The following MORC1 variants were observed in gnomAD, a reference collection of about 807,000 sequenced individuals.
The protein encoded by MORC1 is MORC family CW-type zinc finger protein 1.
A neutral mutation model predicts 134.9 loss-of-function variants in MORC1; 59 were observed. The observed-to-expected ratio is 0.44, with a 90% CI of 0.35 to 0.54. The LOEUF (loss-of-function observed/expected upper bound fraction) is 0.54. Ranked by LOEUF, MORC1 falls within the 20% of genes least tolerant of loss-of-function variation. The probability of loss-of-function intolerance (pLI) is 0.00; values close to 1 mark genes in which losing one functional copy is unlikely to be tolerated. For synonymous variants in MORC1, 395 were observed against 391.7 expected (o/e 1.01, Z -0.10); for missense variants, 947 against 1,134.5 (o/e 0.83, Z 2.37).
chr3:109,005,564 T>C (rs2107534303), intron 18 of MORC1, among the ~76,000 whole-genome samples: 1 of 152,276 alleles, frequency 6.6e-6, no homozygotes, highest in African/African-American at 2.4e-5. Flanking sequence ...AGCCCAGCAA[T>C]TGAGAACATA....
chr3:109,071,953 C>G (rs1016019818), intron 8 of MORC1, among the ~76,000 whole-genome samples: 1 of 152,180 alleles, frequency 6.6e-6, no homozygotes, highest in Admixed American at 6.5e-5. Flanking sequence ...ATTTTGCAAG[C>G]AAGCCTTTCT....
chr3:109,019,080 A>T (rs1030526303), intron 17 of MORC1: 1 of 152,182 alleles, frequency 6.6e-6, no homozygotes, highest in African/African-American at 2.4e-5. Context: ...CTTCTCTAGA[A>T]ATGACCTATA....
chr3:109,092,307 A>T (rs575364956), intron 8 of MORC1, among the ~76,000 whole-genome samples: 3 of 152,238 alleles, frequency 2.0e-5, no homozygotes, highest in Non-Finnish European at 4.4e-5. Context: ...GAAAAAACAT[A>T]CAACAGCAAT....
chr3:109,010,391 C>G (rs1948655608), intron 17 of MORC1, among the ~76,000 whole-genome samples: 1 of 152,004 alleles, frequency 6.6e-6, no homozygotes, highest in South Asian at 2.1e-4. Context: ...CTTCATAAAT[C>G]CTTATATTTG....
At chr3:109,012,808 A>G (rs1000020163) in intron 17 of MORC1, among the ~76,000 whole-genome samples, 1 of 152,196 alleles carries the variant, frequency 6.6e-6, no homozygotes, top group Non-Finnish European at 1.5e-5. Flanking sequence ...CTTTCTGTAA[A>G]TATTATCTGT....
intron 12 of MORC1, 150 bp downstream of exon 12, chr3:109,059,656 G>A (rs952281863): frequency 3.3e-5 from 18 of 552,670 alleles, no homozygotes; most frequent in African/African-American, 2.3e-4. Flanking sequence ...CTTGGTTGTG[G>A]GAACTTGACT....
At chr3:109,011,547 G>GT (rs1948685601) in intron 17 of MORC1, among the ~76,000 whole-genome samples, 1 of 149,076 alleles carries the variant, frequency 6.7e-6, no homozygotes. Flanking sequence ...TTGAGATGGA[G>GT]TTTCGCTCTT....
At chr3:109,017,602 A>AT (rs1362478587) in intron 17 of MORC1, among the ~76,000 whole-genome samples, 3 of 152,168 alleles carry the variant, frequency 2.0e-5, no homozygotes, top group East Asian at 1.9e-4. Flanking sequence ...TTAAAAATAC[A>AT]TTTTTTTAAA....
At chr3:108,974,578 G>A (rs1378463264) in intron 24 of MORC1, among the ~76,000 whole-genome samples, 1 of 152,146 alleles carries the variant, frequency 6.6e-6, no homozygotes, top group Non-Finnish European at 1.5e-5. Flanking sequence ...AATAAACCTG[G>A]ATTCATTCAC....
rs916371859 is a variant in MORC1 at position 109,027,677 on chromosome 3, T to C, written c.1704+74A>G. The stretch of plus-strand genomic sequence containing the variant: ...ACACATTTTATTGTGTAAACCACTT[T>C]AGTCAATTTGCACATATGAAACCAA... On this transcript the variant is annotated intron_variant, in intron 17 of 27. Transcript: ENST00000232603. 6.4e-6 allele frequency: 10 copies of C among 1,565,094 alleles called. No homozygotes were observed. In the East Asian group the frequency reaches 1.6e-4, roughly 25 times the overall value.
At chr3:109,061,493 G>C (rs1162430969) in intron 11 of MORC1, among the ~76,000 whole-genome samples, 1 of 152,162 alleles carries the variant, frequency 6.6e-6, no homozygotes, top group Admixed American at 6.5e-5. Context: ...TTGTAAGCTG[G>C]AAGCATTCTT....
rs758380552 is a variant in MORC1, at chr3:109,035,469, C to CT, written c.1331-2dup. 1.7e-5 allele frequency: 22 copies of CT among 1,304,442 alleles called. No homozygotes were observed. The highest frequency in any genetic ancestry group is 1.5e-4 in the African/African-American group (6 of 40,776). 80.8% of individuals were successfully genotyped at this position (1,304,442 alleles called of 1,614,324 possible). ...CAAAACAATGTTAAATTTCTATTATCTTTTAAAAAAAAAAGCAGGCAAAGA... is the reference window on the plus strand; with the variant it reads ...CAAAACAATGTTAAATTTCTATTATCTTTTTAAAAAAAAAAGCAGGCAAAGA... On this transcript the variant is annotated splice_acceptor_variant, in intron 14 of 27. Coordinates refer to ENST00000232603, the MANE Select transcript of MORC1 (RefSeq NM_014429.4). LOFTEE classifies it high-confidence loss of function.
At chr3:108,993,757 T>C (rs1948127747) in intron 21 of MORC1, among the ~76,000 whole-genome samples, 1 of 152,232 alleles carries the variant, frequency 6.6e-6, no homozygotes, top group African/African-American at 2.4e-5. Flanking sequence ...TGAATGCAGT[T>C]GATTTAGGGA....
At chr3:109,106,209 C>A (rs1190265849) in intron 3 of MORC1, among the ~76,000 whole-genome samples, 4 of 152,188 alleles carry the variant, frequency 2.6e-5, no homozygotes, top group Non-Finnish European at 5.9e-5. Context: ...TGATGCAAAA[C>A]CACGTTCAGC....
chr3:109,042,359 A>T (rs959989013), intron 14 of MORC1, among the ~76,000 whole-genome samples: 1 of 152,190 alleles, frequency 6.6e-6, no homozygotes, highest in Non-Finnish European at 1.5e-5. Flanking sequence ...AGCACCTGGG[A>T]AATACAAATT....
intron 11 of MORC1, among the ~76,000 whole-genome samples, chr3:109,060,146 G>A (rs1329851308): frequency 4.0e-5 from 6 of 151,782 alleles, no homozygotes; most frequent in South Asian, 2.1e-4. Flanking sequence ...ATGACACAAC[G>A]GCTTTGACAA....
At chr3:109,033,294 AAGGAAGGAAGGAAGGAAG>A (rs1400893204) in intron 15 of MORC1, among the ~76,000 whole-genome samples, 7 of 35,858 alleles carry the variant, frequency 2.0e-4, no homozygotes, top group Admixed American at 1.7e-3. Context: ...AGGAGGAAGG[AAGGAAGGAAGGAAGGAAG>A]GAAGGAAGGA....
At chr3:109,059,718 A>C in intron 12 of MORC1, 88 bp downstream of exon 12, 1 of 1,150,814 alleles carries the variant, frequency 8.7e-7, no homozygotes, top group Non-Finnish European at 1.2e-6. Context: ...AATTGTCACA[A>C]TAACCACTAA....
At chr3:109,030,845 A>G (rs9832836) in intron 16 of MORC1, among the ~76,000 whole-genome samples, 63,481 of 152,040 alleles carry the variant, frequency 0.42, 13,891 homozygotes, top group Middle Eastern at 0.55. Flanking sequence ...TATTTGAAAC[A>G]TTCTAACACA....
Sources: gnomAD v4.1 joint callset for allele counts (sites outside exome capture counted in the v4.1 genomes callset) on GRCh38, gnomAD v4.1.1 for gene constraint, MANE v1.5 for transcripts, NCBI Gene and HGNC (gene_info 2026-07-23, HGNC 2026-07-21) for gene names.